The following PCDHA7 variants were observed in gnomAD, a reference collection of about 807,000 sequenced individuals.
The protein encoded by PCDHA7 is protocadherin alpha-7.
Under a neutral mutation model 57.2 loss-of-function variants are expected in PCDHA7, and 37 were observed. The ratio of observed to expected loss-of-function variants is 0.65; its 90% CI spans 0.50 to 0.85. The LOEUF (loss-of-function observed/expected upper bound fraction) is 0.85, where lower values mean the gene tolerates loss of function less well. PCDHA7 is among the 40% of genes least tolerant of loss of function. The pLI is 0.00. For missense variants in PCDHA7, 1,188 were observed against 1,241.8 expected, an observed-to-expected ratio of 0.96 and a Z score of 0.65; for synonymous variants, 553 against 558.8, an observed-to-expected ratio of 0.99 and a Z score of 0.15.
In PCDHA7 at chr5:140,835,893, C is replaced by T; in HGVS notation, c.1510C>T (p.Leu504=). ...GGAGCTGCGGGTGGGCGAGCGCGCG[C>T]TGTCGAGCTACGTGTCAGTGCACGC... ...LVELRVGERA[L]SSYVSVHAES... is the part of the protein sequence containing the mutation. The change falls in exon 1 of 4, where the codon CTG becomes TTG. Residue 504 remains leucine (L), a synonymous_variant. Coordinates refer to ENST00000525929, the MANE Select transcript of PCDHA7 (RefSeq NM_018910.3). 4 of 1,612,040 alleles carry T rather than the reference C, an allele frequency of 2.5e-6. No individual in the cohort carries two copies. Among genetic ancestry groups the T allele is most frequent in the Middle Eastern group, 2.0e-4 (1 of 4,892 alleles).
chr5:140,883,987 G>A (rs782597930), intron 1 of PCDHA7: 2 of 1,612,956 alleles, frequency 1.2e-6, no homozygotes, highest in East Asian at 2.2e-5. Flanking sequence ...CTGGCAGCGC[G>A]GGAGGCACAG....
intron 1 of PCDHA7, among the ~76,000 whole-genome samples, chr5:140,895,314 G>A (rs2064960648): frequency 6.6e-6 from 1 of 151,858 alleles, no homozygotes; most frequent in Non-Finnish European, 1.5e-5. Context: ...TTCCACCCAT[G>A]ACTATTGTTC....
chr5:140,989,665 T>C (rs2097353443), intron 3 of PCDHA7, among the ~76,000 whole-genome samples: 1 of 152,190 alleles, frequency 6.6e-6, no homozygotes, highest in Non-Finnish European at 1.5e-5. Context: ...TAAAAGAAAC[T>C]CTGCCCAGAT....
chr5:140,972,512 C>T (rs1586536091), intron 1 of PCDHA7, among the ~76,000 whole-genome samples: 1 of 152,018 alleles, frequency 6.6e-6, no homozygotes, highest in Non-Finnish European at 1.5e-5. Context: ...GATTTTACCC[C>T]CAGTGAGCTT....
intron 1 of PCDHA7, among the ~76,000 whole-genome samples, chr5:140,955,431 AG>A (rs1273972601): frequency 1.3e-5 from 2 of 152,194 alleles, no homozygotes; most frequent in East Asian, 3.9e-4. Flanking sequence ...AGTTCTCATT[AG>A]GTCTGATGGT....
rs1365314674 is a variant in PCDHA7, at chr5:140,850,378, C to A, written c.2355+13640C>A. 1.3e-6 allele frequency: 2 copies of A among 1,597,842 alleles called. No homozygotes were observed. Among genetic ancestry groups the A allele is most frequent in the East Asian group, 2.2e-5 (1 of 44,846 alleles). On this transcript the variant is annotated intron_variant, in intron 1 of 3. Transcript: ENST00000525929. ...ATCCCGTTCCGCGTGGGGCTGTACA[C>A]GGGCGAGATCAGCACAACGCGTGCC...
At chr5:140,872,266 T>C (rs1267974541) in intron 1 of PCDHA7, among the ~76,000 whole-genome samples, 2 of 152,208 alleles carry the variant, frequency 1.3e-5, no homozygotes, top group Non-Finnish European at 2.9e-5. Context: ...GTTTTCATAT[T>C]GTTTGAAGAA....
At chr5:140,871,833 T>G (rs2053334975) in intron 1 of PCDHA7, among the ~76,000 whole-genome samples, 1 of 152,282 alleles carries the variant, frequency 6.6e-6, no homozygotes, top group African/African-American at 2.4e-5. Flanking sequence ...CCTTCATCTC[T>G]AAACTTCAAT....
chr5:140,869,096 C>G (rs2050848393), intron 1 of PCDHA7: 2 of 1,594,364 alleles, frequency 1.3e-6, no homozygotes, highest in African/African-American at 2.7e-5. Context: ...AAGCCAATTT[C>G]GTATGCGATG....
chr5:140,971,509 A>C (rs1369392741), intron 1 of PCDHA7, among the ~76,000 whole-genome samples: 4 of 152,112 alleles, frequency 2.6e-5, no homozygotes, highest in Admixed American at 2.0e-4. Flanking sequence ...ATAGGAGCAA[A>C]AGCCACTCAG....
At chr5:140,899,704 T>C (rs2067500536) in intron 1 of PCDHA7, among the ~76,000 whole-genome samples, 1 of 152,242 alleles carries the variant, frequency 6.6e-6, no homozygotes, top group Non-Finnish European at 1.5e-5. Context: ...TAAAATGAGT[T>C]AGGGAGGATT....
chr5:140,920,519 C>T lies in PCDHA7; in HGVS notation c.2356-58430C>T, dbSNP rs555001599. Among the ~76,000 whole-genome samples the T allele has an allele frequency of 2.9e-4, 44 of 152,246 alleles. 2 individuals are homozygous for T. The highest frequency in any genetic ancestry group is 2.8e-4 in the Non-Finnish European group (19 of 68,008). On this transcript the variant is annotated intron_variant, in intron 1 of 3. Coordinates refer to ENST00000525929, the MANE Select transcript of PCDHA7 (RefSeq NM_018910.3). The stretch of plus-strand genomic sequence containing the variant: ...GTTCTACATACTGTTTTATGCAATT[C>T]GTTAGACTCAGGTTTTCTATTTCAC...
At chr5:140,853,596 A>G (rs2042799204) in intron 1 of PCDHA7, 1 of 986,974 alleles carries the variant, frequency 1.0e-6, no homozygotes, top group Non-Finnish European at 1.2e-6. Flanking sequence ...ACACTTTGAG[A>G]GCAAAGGGGG....
At chr5:140,870,052 A>G (rs782520778) in intron 1 of PCDHA7, 7 of 1,613,830 alleles carry the variant, frequency 4.3e-6, no homozygotes, top group Non-Finnish European at 5.1e-6. Flanking sequence ...GTTTTATAAA[A>G]TTGAAGTACA....
intron 1 of PCDHA7, among the ~76,000 whole-genome samples, chr5:140,941,374 T>C (rs1188935172): frequency 6.7e-6 from 1 of 148,216 alleles, no homozygotes; most frequent in African/African-American, 2.5e-5. Flanking sequence ...TGGAGTGTAG[T>C]GACAGGATTT....
intron 1 of PCDHA7, among the ~76,000 whole-genome samples, chr5:140,931,201 A>G (rs1444701917): frequency 2.6e-5 from 4 of 152,176 alleles, no homozygotes; most frequent in Admixed American, 2.6e-4. Context: ...CTACAATGCT[A>G]GTATTTCAGG....
chr5:140,898,018 C>G (rs1189161004), intron 1 of PCDHA7, among the ~76,000 whole-genome samples: 1 of 152,062 alleles, frequency 6.6e-6, no homozygotes, highest in African/African-American at 2.4e-5. Flanking sequence ...TATCCTTTGC[C>G]CACTTTTTGA....
intron 1 of PCDHA7, chr5:140,841,867 G>A (rs2150324495): frequency 2.5e-6 from 4 of 1,613,836 alleles, no homozygotes; most frequent in Non-Finnish European, 3.4e-6. Flanking sequence ...TGCTAGATGT[G>A]AATTCAAAGA....
chr5:140,863,239 T>C (rs1554158001), intron 1 of PCDHA7: 26 of 1,323,164 alleles, frequency 2.0e-5, no homozygotes, highest in African/African-American at 2.9e-5. Context: ...ATCGCGGGCT[T>C]TGGCGGGCGT....
Sources: gnomAD v4.1 joint callset for allele counts (sites outside exome capture counted in the v4.1 genomes callset) on GRCh38, gnomAD v4.1.1 for gene constraint, MANE v1.5 for transcripts, NCBI Gene and HGNC (gene_info 2026-07-23, HGNC 2026-07-21) for gene names.